Variants in NRG1 observed in about 807,000 individuals in gnomAD.
The protein encoded by NRG1 is pro-neuregulin-1, membrane-bound isoform.
A neutral mutation model predicts 63.8 loss-of-function variants in NRG1; 18 were observed. That is an observed-to-expected ratio of 0.28 (90% CI 0.19 to 0.42). The LOEUF (loss-of-function observed/expected upper bound fraction) is 0.42, where lower values mean the gene tolerates loss of function less well. Among genes scored for constraint, NRG1 ranks in the 10% least tolerant of loss-of-function variants. NRG1 has a pLI of 1.00. For synonymous variants in NRG1, 302 were observed against 301.3 expected, an observed-to-expected ratio of 1.00 and a Z score of -0.02; for missense variants, 762 against 814.7, an observed-to-expected ratio of 0.94 and a Z score of 0.79.
intron 1 of NRG1, among the ~76,000 whole-genome samples, chr8:32,553,744 C>T (rs768061472): frequency 2.6e-5 from 4 of 152,068 alleles, no homozygotes; most frequent in Non-Finnish European, 5.9e-5. Flanking sequence ...ACCAACCTGC[C>T]CCTCACTATC....
At chr8:31,872,155 C>T (rs1259016637) in intron 1 of NRG1, among the ~76,000 whole-genome samples, 1 of 152,116 alleles carries the variant, frequency 6.6e-6, no homozygotes, top group South Asian at 2.1e-4. Context: ...TTCTTAGATG[C>T]CGTGGGGATG....
chr8:31,740,628 G>C (rs189440496), intron 1 of NRG1, among the ~76,000 whole-genome samples: 1 of 151,890 alleles, frequency 6.6e-6, no homozygotes, highest in South Asian at 2.1e-4. Context: ...CTCCATGAAG[G>C]TAACTTGGAA....
chr8:32,712,772 T>C (rs543615024), intron 5 of NRG1, among the ~76,000 whole-genome samples: 1 of 152,268 alleles, frequency 6.6e-6, no homozygotes, highest in Admixed American at 6.5e-5. Context: ...TTTCCTACCA[T>C]TACTGTGGTA....
intron 11 of NRG1, chr8:32,763,411 C>T: frequency 6.3e-7 from 1 of 1,586,044 alleles, no homozygotes; most frequent in Non-Finnish European, 8.6e-7. Flanking sequence ...GAGCCTTGGT[C>T]CTTATATAAG....
intron 1 of NRG1, among the ~76,000 whole-genome samples, chr8:31,898,034 A>G (rs78567357): frequency 8.4e-4 from 126 of 150,758 alleles, no homozygotes; most frequent in African/African-American, 2.1e-3. Flanking sequence ...AAAAAAAAAA[A>G]AGAGAGAGAA....
intron 1 of NRG1, among the ~76,000 whole-genome samples, chr8:32,048,934 T>C (rs935273442): frequency 6.6e-6 from 1 of 152,102 alleles, no homozygotes. Flanking sequence ...TTTGGGATGG[T>C]TTAAGGGAGG....
chr8:32,476,685 T>A (rs1468772944), intron 1 of NRG1, among the ~76,000 whole-genome samples: 1 of 152,202 alleles, frequency 6.6e-6, no homozygotes, highest in Non-Finnish European at 1.5e-5. Context: ...CTACTCTTGA[T>A]AGTAATTCCC....
intron 1 of NRG1, among the ~76,000 whole-genome samples, chr8:32,179,879 C>T (rs1337429321): frequency 6.6e-6 from 1 of 152,038 alleles, no homozygotes; most frequent in Non-Finnish European, 1.5e-5. Context: ...TTGTAATTTA[C>T]AATTTTTAAA....
chr8:32,465,899 A>G (rs1284858530), intron 1 of NRG1, among the ~76,000 whole-genome samples: 1 of 152,232 alleles, frequency 6.6e-6, no homozygotes, highest in African/African-American at 2.4e-5. Context: ...TTTACAATAG[A>G]AAAAAAGTTT....
intron 6 of NRG1, among the ~76,000 whole-genome samples, chr8:32,735,447 T>C (rs1282988355): frequency 1.3e-5 from 2 of 152,190 alleles, no homozygotes; most frequent in Non-Finnish European, 2.9e-5. Flanking sequence ...AATTTTGAAA[T>C]ATTTATATTG....
At chr8:32,482,721 G>A (rs1825454648) in intron 1 of NRG1, among the ~76,000 whole-genome samples, 1 of 152,150 alleles carries the variant, frequency 6.6e-6, no homozygotes, top group African/African-American at 2.4e-5. Context: ...CAGAGAGAGG[G>A]AACAGGCAGA....
At chr8:32,558,202 G>T (rs774748529) in intron 1 of NRG1, among the ~76,000 whole-genome samples, 2 of 152,128 alleles carry the variant, frequency 1.3e-5, no homozygotes, top group Admixed American at 1.3e-4. Context: ...ACACAAGGCC[G>T]CCTTGACTGA....
chr8:32,291,825 A>G (rs1170216950), intron 1 of NRG1, among the ~76,000 whole-genome samples: 1 of 152,080 alleles, frequency 6.6e-6, no homozygotes, highest in Non-Finnish European at 1.5e-5. Flanking sequence ...GATTATTGCT[A>G]TCCACTCTTG....
intron 2 of NRG1, among the ~76,000 whole-genome samples, chr8:32,598,784 A>C (rs943761946): frequency 6.6e-6 from 1 of 152,128 alleles, no homozygotes; most frequent in Non-Finnish European, 1.5e-5. Context: ...CATTTCTAAA[A>C]TTGTGTCTTT....
At chr8:32,198,117 C>A (rs1318883126) in intron 1 of NRG1, among the ~76,000 whole-genome samples, 1 of 152,194 alleles carries the variant, frequency 6.6e-6, no homozygotes, top group African/African-American at 2.4e-5. Flanking sequence ...ATTGGCAGGA[C>A]CATTGCTTGA....
chr8:32,311,903 A>G (rs929088278), intron 1 of NRG1, among the ~76,000 whole-genome samples: 2 of 152,130 alleles, frequency 1.3e-5, no homozygotes, highest in African/African-American at 4.8e-5. Flanking sequence ...TCCATTTTCT[A>G]CTGGCCTGTG....
chr8:32,633,668 C>T (rs183807159), intron 5 of NRG1, among the ~76,000 whole-genome samples: 1 of 152,244 alleles, frequency 6.6e-6, no homozygotes, highest in Admixed American at 6.5e-5. Context: ...TTTGTGCCCA[C>T]CTAAGATTAG....
intron 1 of NRG1, among the ~76,000 whole-genome samples, chr8:32,534,842 G>A (rs1223174318): frequency 6.6e-6 from 1 of 152,020 alleles, no homozygotes; most frequent in Non-Finnish European, 1.5e-5. Context: ...TTGGCTGTGG[G>A]CTGAGTTAAA....
At chr8:31,982,573 C>A (rs1192461929) in intron 1 of NRG1, among the ~76,000 whole-genome samples, 1 of 151,944 alleles carries the variant, frequency 6.6e-6, no homozygotes, top group Non-Finnish European at 1.5e-5. Context: ...GCATCTGGAG[C>A]AGAATTTGTT....
Sources: gnomAD v4.1 joint callset for allele counts (sites outside exome capture counted in the v4.1 genomes callset) on GRCh38, gnomAD v4.1.1 for gene constraint, MANE v1.5 for transcripts, NCBI Gene and HGNC (gene_info 2026-07-23, HGNC 2026-07-21) for gene names.